Variants in MYO15A observed in about 807,000 individuals in gnomAD.
MYO15A encodes the protein myosin XVA.
Under a neutral mutation model 394.6 loss-of-function variants are expected in MYO15A, and 308 were observed. The ratio of observed to expected loss-of-function variants is 0.78; its 90% confidence interval spans 0.71 to 0.86. The LOEUF (loss-of-function observed/expected upper bound fraction) is 0.86, where lower values mean the gene tolerates loss of function less well. Ranked by LOEUF, MYO15A falls within the 40% of genes least tolerant of loss-of-function variation. The pLI is 0.00. For missense variants in MYO15A, 4,606 were observed against 4,799.1 expected (o/e 0.96, Z 1.19); for synonymous variants, 1,957 against 2,003.8 (o/e 0.98, Z 0.62).
chr17:18,166,401 G>A lies in MYO15A; in HGVS notation c.9828G>A (p.Leu3276=). The change falls in exon 61 of 66, where the codon CTG becomes CTA. Residue 3276 remains leucine, a synonymous_variant. Coordinates refer to ENST00000647165, the MANE Select transcript of MYO15A (RefSeq NM_016239.4). The stretch of plus-strand genomic sequence containing the variant: ...CACTCAGTCGCCGTGCTTACATCCT[G>A]GATGTGGCCTCAGAGATGGAGCAGG... ...VCPLSRRAYI[L]DVASEMEQVD... 1.2e-6 allele frequency: 2 copies of A among 1,613,934 alleles called. No homozygotes were observed. Among genetic ancestry groups the A allele is most frequent in the Non-Finnish European group, 1.7e-6 (2 of 1,180,032 alleles).
chr17:18,121,279 C>A lies in MYO15A; in HGVS notation c.2479C>A (p.Arg827Ser). The change falls in exon 2 of 66, where the codon CGC (arginine) becomes AGC (serine). Residue 827 changes from arginine to serine, a missense_variant. Physicochemically the swap from Arg to Ser is moderately radical, Grantham distance 110. This residue lies in a region of MYO15A where 1,830 missense variants were observed against 1,689.7 expected (regional missense o/e 1.08). Coordinates refer to ENST00000647165, the MANE Select transcript of MYO15A (RefSeq NM_016239.4). The surrounding 1 kb of genome is among the most constrained non-coding windows in gnomAD (Gnocchi z 5.3). ...CTCGCTGCAGGAGTCCCCAGCCCCA[C>A]GCCGAGCCGCTGGGCGCCTGGGCCC... ...PRSLQESPAP[R>S]RAAGRLGPPG... 1 of 1,370,358 alleles carries A rather than the reference C, an allele frequency of 7.3e-7. No homozygotes were observed. Among genetic ancestry groups the A allele is most frequent in the South Asian group, 1.6e-5 (1 of 63,344 alleles). The allele number at this position is 1,370,358 out of a possible 1,614,324, so 84.9% of individuals were successfully genotyped here.
Position 18,159,569 on chromosome 17 carries a change from G to A in MYO15A, c.9230-37G>A, listed in dbSNP as rs758227785. ...TCCTGGGGTGGGTGGGCAACTGGGG[G>A]TTTGGTGGGTCTGAGTGGGATAGGT... On this transcript the variant is annotated intron_variant, in intron 54 of 65. Transcript: ENST00000647165. 4 of 1,610,832 alleles carry A rather than the reference G, an allele frequency of 2.5e-6. No individual in the cohort carries two copies. In the East Asian group the frequency reaches 8.9e-5, roughly 36 times the overall value.
At chr17:18,110,741 G>A (rs930019340) in intron 1 of MYO15A, among the ~76,000 whole-genome samples, 8 of 152,142 alleles carry the variant, frequency 5.3e-5, no homozygotes, top group Admixed American at 1.3e-4. Flanking sequence ...TCCCTTTCAC[G>A]GCCATTGGGC....
intron 7 of MYO15A, among the ~76,000 whole-genome samples, chr17:18,129,059 C>G (rs1567632768): frequency 1.3e-5 from 2 of 152,224 alleles, no homozygotes; most frequent in African/African-American, 4.8e-5. Context: ...TCCACCCTCC[C>G]CCATGTATAG....
chr17:18,145,369 C>A (rs2046457032), intron 29 of MYO15A, among the ~76,000 whole-genome samples: 1 of 152,124 alleles, frequency 6.6e-6, no homozygotes, highest in South Asian at 2.1e-4. Flanking sequence ...TACTTTGGAT[C>A]TTTAGTTTTC....
intron 19 of MYO15A, among the ~76,000 whole-genome samples, chr17:18,139,947 C>G (rs1318948537): frequency 6.6e-6 from 1 of 152,228 alleles, no homozygotes; most frequent in Non-Finnish European, 1.5e-5. Context: ...CATTCCCTGG[C>G]CCATTCTTTC....
rs1244812137 is a variant in MYO15A, at chr17:18,133,382, A to G, written c.4478A>G (p.Tyr1493Cys). 1.2e-6 allele frequency: 2 copies of G among 1,614,046 alleles called. No homozygotes were observed. The highest frequency in any genetic ancestry group is 1.7e-6 in the Non-Finnish European group (2 of 1,180,006). ...LHLGNVYFEK[Y>C]ETDAQEVASV... is the part of the protein sequence containing the mutation. ...CTGGGCAACGTCTACTTTGAGAAGT[A>G]TGAGGTGAGGGGACGCCACAGCCTG... Residue 1493 changes from tyrosine (Y) to cysteine (C), a missense_variant, in exon 12 of 66, where the codon TAT becomes TGT. By Grantham distance (194) the Tyr-to-Cys change is radical. Coordinates refer to ENST00000647165, the MANE Select transcript of MYO15A (RefSeq NM_016239.4).
At chr17:18,175,786 T>C (rs920149506) in intron 65 of MYO15A, among the ~76,000 whole-genome samples, 1 of 152,110 alleles carries the variant, frequency 6.6e-6, no homozygotes, top group African/African-American at 2.4e-5. Context: ...TTCCTCCCGA[T>C]CCTCCCAGGC....
chr17:18,143,918 G>T lies in MYO15A; in HGVS notation c.6095G>T (p.Arg2032Leu), dbSNP rs144054368. The change falls in exon 28 of 66, where the codon CGA becomes CTA. Residue 2032 changes from arginine to leucine, a missense_variant. Physicochemically the swap from Arg to Leu is moderately radical, Grantham distance 102. Transcript: ENST00000647165. ...VPQVAPVRTP[R>L]LQAEPRVTLP... ...CAGGTGGCCCCTGTGAGGACTCCTC[G>T]ACTCCAGGCTGAGCCCCGTGTCACA... The T allele has an allele frequency of 6.2e-7, 1 of 1,605,756 alleles. No homozygotes were observed. Among genetic ancestry groups the T allele is most frequent in the African/African-American group, 1.3e-5 (1 of 74,958 alleles).
intron 6 of MYO15A, 63 bp from the exon 7 acceptor site, chr17:18,127,012 G>A: frequency 6.2e-7 from 1 of 1,606,340 alleles, no homozygotes. Flanking sequence ...CATGATGGGA[G>A]TCAGGGTGCC....
At chr17:18,111,591 C>A (rs1296992927) in intron 1 of MYO15A, among the ~76,000 whole-genome samples, 1 of 152,210 alleles carries the variant, frequency 6.6e-6, no homozygotes, top group East Asian at 1.9e-4. Flanking sequence ...GAAGGCAGGA[C>A]CTGGAACCTA....
chr17:18,132,591 GC>G lies in MYO15A; in HGVS notation c.4320+29del. 1 of 1,590,770 alleles carries G rather than the reference GC, an allele frequency of 6.3e-7. No homozygotes were observed. ...GGTGAGTGCCAGCAGGCATCTGAAG[GC>G]CCCTGGCCCTGGTCCTCCCACCCCG... On this transcript the variant is annotated intron_variant, in intron 11 of 65. Transcript: ENST00000647165. The surrounding 1 kb of genome is among the most constrained non-coding windows in gnomAD (Gnocchi z 4.6).
chr17:18,155,939 A>T (rs934333350), intron 47 of MYO15A: 12 of 544,294 alleles, frequency 2.2e-5, no homozygotes, highest in African/African-American at 1.9e-4. Context: ...GCAAATCTAG[A>T]TTTAGAGCTT....
Position 18,153,719 on chromosome 17 carries a change from A to G in MYO15A, c.7967-56A>G. ...GTCTCAAAAATATATATATATATTA[A>G]TTAAATAAAAAAACGAGGTGCCTTC... On this transcript the variant is annotated intron_variant, in intron 42 of 65. Transcript: ENST00000647165. This position sits in a 1 kb window ranked among gnomAD's most constrained non-coding sequence, Gnocchi z 4.1. The G allele has an allele frequency of 6.5e-7, 1 of 1,532,472 alleles. No homozygotes were observed. The highest frequency in any genetic ancestry group is 8.8e-7 in the Non-Finnish European group (1 of 1,139,698). 94.9% of individuals were successfully genotyped at this position (1,532,472 alleles called of 1,614,324 possible).
In MYO15A at chr17:18,150,847, G is replaced by T. The variant is rs753556196; in HGVS notation, c.7407G>T (p.Met2469Ile). 6.3e-7 allele frequency: 1 copy of T among 1,595,494 alleles called. No homozygotes were observed. The highest frequency in any genetic ancestry group is 1.7e-5 in the Admixed American group (1 of 57,284). The change falls in exon 38 of 66, where the codon ATG becomes ATT. Residue 2469 changes from methionine (M) to isoleucine (I), a missense_variant. By Grantham distance (10) the Met-to-Ile change is conservative. This residue lies in a region of MYO15A where 2,776 missense variants were observed against 3,109.3 expected (regional missense o/e 0.89). Transcript: ENST00000647165. This position sits in a 1 kb window ranked among gnomAD's most constrained non-coding sequence, Gnocchi z 4.4. Reference sequence around the variant, plus strand: ...CCACCTCTCCCCAGGCCCGGGAGATGACCCTGCAGGCCACGGCACTCCAGC... The same window carrying T: ...CCACCTCTCCCCAGGCCCGGGAGATTACCCTGCAGGCCACGGCACTCCAGC... ...HKQAVLLARE[M>I]TLQATALQQQ...
chr17:18,120,636 C>T lies in MYO15A; in HGVS notation c.1836C>T (p.Tyr612=). 6.3e-7 allele frequency: 1 copy of T among 1,596,224 alleles called. No individual in the cohort carries two copies. Among genetic ancestry groups the T allele is most frequent in the Non-Finnish European group, 8.5e-7 (1 of 1,174,316 alleles). ...AGGCGGCCTACAAACGCTTCGGCTA[C>T]AAGCTGGCTGGCATGGACCCCGAGA... ...VREAAYKRFG[Y]KLAGMDPEKP... Residue 612 remains tyrosine, a synonymous_variant, in exon 2 of 66, where the codon TAC becomes TAT. Coordinates refer to ENST00000647165, the MANE Select transcript of MYO15A (RefSeq NM_016239.4).
chr17:18,122,627 C>T (rs985572415), intron 2 of MYO15A: 9 of 664,500 alleles, frequency 1.4e-5, no homozygotes, highest in African/African-American at 5.5e-5. Flanking sequence ...AGGACAGAGA[C>T]GTGGGAAACT....
At chr17:18,171,983 G>T (rs925299384) in intron 63 of MYO15A, among the ~76,000 whole-genome samples, 174 bp from the exon 64 acceptor site, 6 of 152,352 alleles carry the variant, frequency 3.9e-5, no homozygotes, top group Non-Finnish European at 8.8e-5. Flanking sequence ...AGAGCTGCAA[G>T]CAGGGATAGA....
chr17:18,139,896 T>TG (rs1462527272), intron 19 of MYO15A, among the ~76,000 whole-genome samples: 3 of 152,354 alleles, frequency 2.0e-5, no homozygotes, highest in South Asian at 4.1e-4. Flanking sequence ...CCCCACCAGC[T>TG]GTGGCCTTGC....
Sources: allele counts gnomAD v4.1 joint callset (sites outside exome capture counted in the v4.1 genomes callset), GRCh38; gene constraint gnomAD v4.1.1; regional missense constraint gnomAD v4.1.1; non-coding constraint Gnocchi (gnomAD v3.1); transcripts MANE v1.5; gene names NCBI Gene and HGNC (gene_info 2026-07-23, HGNC 2026-07-21).